The following FAM178B variants were observed in gnomAD, a reference collection of about 807,000 sequenced individuals.
FAM178B encodes family with sequence similarity 178 member B, also known as protein FAM178B.
FAM178B carries 82 observed loss-of-function variants against 91.7 expected under a neutral mutation model. That is an observed-to-expected ratio of 0.89 (90% confidence interval 0.75 to 1.07). The LOEUF is 1.07. Among genes scored for constraint, FAM178B ranks in the 50% least tolerant of loss-of-function variants. The pLI, the probability that FAM178B is intolerant of heterozygous loss-of-function variation, is 0.00. For synonymous variants in FAM178B, 368 were observed against 359.4 expected (o/e 1.02, Z -0.27); for missense variants, 769 against 846.7 (o/e 0.91, Z 1.14).
chr2:96,983,850 A>AG (rs2082391655), intron 1 of FAM178B, among the ~76,000 whole-genome samples: 2 of 152,264 alleles, frequency 1.3e-5, no homozygotes, highest in Admixed American at 1.3e-4. Flanking sequence ...TTCATGCAGC[A>AG]GTTCAGTAAT....
intron 16 of FAM178B, 54 bp downstream of exon 16, chr2:96,877,836 C>T (rs907960207): frequency 3.8e-6 from 6 of 1,569,862 alleles, no homozygotes; most frequent in Admixed American, 3.5e-5. Context: ...TCTGGCCAGC[C>T]CTGCCTGACC....
chr2:96,977,240 C>A (rs2082302166), intron 1 of FAM178B, among the ~76,000 whole-genome samples: 1 of 145,540 alleles, frequency 6.9e-6, no homozygotes, highest in African/African-American at 2.6e-5. Flanking sequence ...CAAAAATTAG[C>A]CAGGCGTGGT....
chr2:96,919,503 G>A (rs1052160461), intron 12 of FAM178B, among the ~76,000 whole-genome samples: 3 of 152,362 alleles, frequency 2.0e-5, no homozygotes, highest in South Asian at 2.1e-4. Flanking sequence ...GGTCCTGGCT[G>A]TCACGGAGTT....
In FAM178B at chr2:96,967,511, GC is replaced by G. The variant is rs1351681110; in HGVS notation, c.734+8del. The G allele has an allele frequency of 6.5e-7, 1 of 1,527,096 alleles. No homozygotes were observed. Among genetic ancestry groups the G allele is most frequent in the South Asian group, 1.2e-5 (1 of 83,704 alleles). The allele number at this position is 1,527,096 out of a possible 1,614,324, so 94.6% of individuals were successfully genotyped here. On this transcript the variant is annotated splice_region_variant and intron_variant, in intron 5 of 16. Transcript: ENST00000490605. ...CTTCGGAGGCTGGTGCCAGGCCCCT[GC>G]CCCTCACCTGTGCTCGGGTGTGAGT...
At chr2:96,919,973 C>T (rs946458835) in intron 12 of FAM178B, among the ~76,000 whole-genome samples, 10 of 152,156 alleles carry the variant, frequency 6.6e-5, no homozygotes, top group African/African-American at 2.2e-4. Context: ...AACTCCAAGC[C>T]GGCTCCCAGA....
chr2:96,964,938 T>C (rs920955356), intron 5 of FAM178B, among the ~76,000 whole-genome samples: 1 of 152,176 alleles, frequency 6.6e-6, no homozygotes, highest in Admixed American at 6.5e-5. Context: ...GTGGGCTCCA[T>C]ACCCTTGGGC....
intron 13 of FAM178B, chr2:96,894,993 C>T: frequency 1.6e-6 from 2 of 1,248,614 alleles, no homozygotes; most frequent in Non-Finnish European, 2.1e-6. Flanking sequence ...TTTGGTTTAA[C>T]TCTTCTCTGT....
chr2:96,927,604 T>C (rs1396694077), intron 9 of FAM178B, among the ~76,000 whole-genome samples: 1 of 152,186 alleles, frequency 6.6e-6, no homozygotes, highest in East Asian at 1.9e-4. Context: ...CCCAAAGTAC[T>C]TGAGATGATG....
intron 14 of FAM178B, among the ~76,000 whole-genome samples, chr2:96,879,522 AG>A (rs2080327811): frequency 6.6e-6 from 1 of 152,236 alleles, no homozygotes; most frequent in Non-Finnish European, 1.5e-5. Context: ...ACCACTTCTG[AG>A]GACATCAGAT....
intron 8 of FAM178B, among the ~76,000 whole-genome samples, chr2:96,930,782 T>G (rs1156336951): frequency 6.6e-6 from 1 of 152,168 alleles, no homozygotes; most frequent in African/African-American, 2.4e-5. Context: ...GTGGGGCCTT[T>G]GGGAGGAAAA....
rs189265487 is a variant in FAM178B at position 96,901,210 on chromosome 2, T to A, written c.1650+1410A>T. ...TTTTTTTTTTTAGAGTCTTGCCCTG[T>A]CGCCCAGGCTGGAGTGCAGTGGCGC... On this transcript the variant is annotated intron_variant, in intron 13 of 16. Transcript: ENST00000490605. Among the ~76,000 whole-genome samples the A allele has an allele frequency of 3.0e-4, 45 of 150,452 alleles. No individual in the cohort carries two copies. The East Asian group carries it at 8.6e-3, about 29-fold the overall frequency.
At chr2:96,915,443 T>C (rs1051895102) in intron 12 of FAM178B, among the ~76,000 whole-genome samples, 1 of 151,714 alleles carries the variant, frequency 6.6e-6, no homozygotes, top group Non-Finnish European at 1.5e-5. Context: ...ACTTATTAAA[T>C]AGAAGTGATT....
intron 5 of FAM178B, 94 bp from the exon 6 acceptor site, chr2:96,960,534 C>T (rs1310146059): frequency 2.2e-6 from 3 of 1,367,552 alleles, no homozygotes; most frequent in African/African-American, 1.5e-5. Flanking sequence ...AGGGGGGCCA[C>T]GGGCTCCCTG....
rs759988596 is a variant in FAM178B at position 96,929,214 on chromosome 2, G to T, written c.1185C>A (p.His395Gln). 1.0e-5 allele frequency: 16 copies of T among 1,549,972 alleles called. No individual in the cohort carries two copies. Among genetic ancestry groups the T allele is most frequent in the Non-Finnish European group, 1.4e-5 (16 of 1,145,612 alleles). Residue 395 changes from histidine (H) to glutamine (Q), a missense_variant, in exon 9 of 17, where the codon CAC becomes CAA. His to Gln is a conservative substitution (Grantham distance 24). Transcript: ENST00000490605. Reference protein sequence around the residue: ...PALYPLGPFWHGGRVLPGEAG... With the variant: ...PALYPLGPFWQGGRVLPGEAG... ...GAAGCAGAAGTACTCACCTGCCACC[G>T]TGCCAAAAGGGCCCCAGAGGGTACA...
intron 14 of FAM178B, among the ~76,000 whole-genome samples, chr2:96,883,586 C>T (rs2080443225): frequency 6.6e-6 from 1 of 152,206 alleles, no homozygotes; most frequent in South Asian, 2.1e-4. Flanking sequence ...GGGAGCAGGT[C>T]CAGCTAGGCT....
intron 5 of FAM178B, among the ~76,000 whole-genome samples, chr2:96,965,011 T>A (rs2082126456): frequency 6.6e-6 from 1 of 152,176 alleles, no homozygotes; most frequent in Non-Finnish European, 1.5e-5. Context: ...TATTTACTTT[T>A]ATTTTTGAGA....
intron 7 of FAM178B, chr2:96,950,117 G>A (rs924144071): frequency 5.0e-5 from 49 of 985,354 alleles, no homozygotes; most frequent in Admixed American, 1.2e-4. Flanking sequence ...AAACCGACAC[G>A]CCCCCGGGAA....
intron 6 of FAM178B, among the ~76,000 whole-genome samples, chr2:96,955,646 C>T (rs536504733): frequency 6.6e-6 from 1 of 152,336 alleles, no homozygotes; most frequent in African/African-American, 2.4e-5. Flanking sequence ...CCCCATTGCA[C>T]TGCAGCCTGG....
intron 4 of FAM178B, 133 bp downstream of exon 4, chr2:96,970,583 A>T (rs2082204195): frequency 1.5e-6 from 1 of 663,142 alleles, no homozygotes; most frequent in Non-Finnish European, 2.6e-6. Flanking sequence ...CCTGTTACTG[A>T]TCAGAGCACA....
Sources: allele counts gnomAD v4.1 joint callset (sites outside exome capture counted in the v4.1 genomes callset), GRCh38; gene constraint gnomAD v4.1.1; transcripts MANE v1.5; gene names NCBI Gene and HGNC (gene_info 2026-07-23, HGNC 2026-07-21).